ADCY2: variants seen among roughly 807,000 people sequenced by gnomAD.
ADCY2 encodes adenylate cyclase type 2.
A neutral mutation model predicts 125.2 loss-of-function variants in ADCY2; 31 were observed. The ratio of observed to expected loss-of-function variants is 0.25; its 90% CI spans 0.19 to 0.33. The LOEUF (loss-of-function observed/expected upper bound fraction) is 0.33. ADCY2 is among the 10% of genes least tolerant of loss of function. The pLI is 1.00. For missense variants in ADCY2, 904 were observed against 1,418.2 expected (o/e 0.64, Z 5.82); for synonymous variants, 512 against 548.4 (o/e 0.93, Z 0.93).
intron 20 of ADCY2, chr5:7,801,600 GT>G (rs1400646105): frequency 6.6e-6 from 1 of 152,192 alleles, no homozygotes; most frequent in African/African-American, 2.4e-5. Flanking sequence ...TTGAAATTGT[GT>G]TTACAAGACA....
At chr5:7,661,819 A>C (rs978714016) in intron 4 of ADCY2, among the ~76,000 whole-genome samples, 7 of 152,216 alleles carry the variant, frequency 4.6e-5, no homozygotes, top group African/African-American at 1.7e-4. Flanking sequence ...TTTTAACTGA[A>C]TTTAAACATT....
At chr5:7,649,734 C>G (rs913528343) in intron 4 of ADCY2, among the ~76,000 whole-genome samples, 2 of 152,206 alleles carry the variant, frequency 1.3e-5, no homozygotes, top group Non-Finnish European at 2.9e-5. Flanking sequence ...AATCCAGACT[C>G]AAAGTCCAAC....
intron 2 of ADCY2, among the ~76,000 whole-genome samples, chr5:7,454,307 C>G (rs1013885035): frequency 1.3e-5 from 2 of 152,118 alleles, no homozygotes; most frequent in African/African-American, 4.8e-5. Context: ...GCTATTTAGG[C>G]TATAGTATAG....
chr5:7,554,263 G>A (rs1444210899), intron 3 of ADCY2, among the ~76,000 whole-genome samples: 12 of 152,090 alleles, frequency 7.9e-5, no homozygotes, highest in Admixed American at 7.9e-4. Context: ...TAAATAAAGG[G>A]ATTTGTCTTG....
At chr5:7,615,940 G>A (rs1000725070) in intron 3 of ADCY2, among the ~76,000 whole-genome samples, 2 of 152,118 alleles carry the variant, frequency 1.3e-5, no homozygotes, top group African/African-American at 2.4e-5. Flanking sequence ...ATCATCATTA[G>A]TATTTCACCA....
Position 7,702,225 on chromosome 5 carries a change from C to CTT in ADCY2, c.1109+3869_1109+3870dup, listed in dbSNP as rs67174135. 2.3e-3 allele frequency among the ~76,000 whole-genome samples: 300 copies of CTT among 131,124 alleles called. 3 individuals carry two copies. In the Middle Eastern group the frequency reaches 0.029, roughly 13 times the overall value. The allele number at this position is 131,124 out of a possible 152,430, so 86.0% of individuals were successfully genotyped here. A position where few individuals can be genotyped will look rare whatever the true frequency, so the allele number is the denominator to read the frequency against. On this transcript the variant is annotated intron_variant, in intron 7 of 24. Transcript: ENST00000338316. ...TGGCCAGCATAGTGAAACCCTGTTT[C>CTT]TTTTTTTTTTTTTTTTTTTAAACTT...
At chr5:7,407,144 C>T (rs573494280) in intron 1 of ADCY2, among the ~76,000 whole-genome samples, 178 of 152,296 alleles carry the variant, frequency 1.2e-3, no homozygotes, top group African/African-American at 4.1e-3. Context: ...CCATTGTCAA[C>T]GTTCAGACCA....
At chr5:7,634,954 A>T (rs2126667518) in intron 4 of ADCY2, among the ~76,000 whole-genome samples, 1 of 152,280 alleles carries the variant, frequency 6.6e-6, no homozygotes, top group Non-Finnish European at 1.5e-5. Flanking sequence ...TGTGATATCT[A>T]GGTTGAAATA....
chr5:7,513,106 C>CACACACACACAGAG (rs777343291), intron 2 of ADCY2, among the ~76,000 whole-genome samples: 39 of 138,540 alleles, frequency 2.8e-4, no homozygotes, highest in South Asian at 1.3e-3. Flanking sequence ...CACACACACA[C>CACACACACACAGAG]AGAGAGAGAG....
intron 4 of ADCY2, among the ~76,000 whole-genome samples, chr5:7,672,098 A>G (rs1376362962): frequency 6.6e-6 from 1 of 152,210 alleles, no homozygotes; most frequent in Non-Finnish European, 1.5e-5. Flanking sequence ...TCAGGACACA[A>G]GGAGGTGGTG....
chr5:7,722,097 C>T (rs1196377491), intron 12 of ADCY2, among the ~76,000 whole-genome samples: 1 of 152,148 alleles, frequency 6.6e-6, no homozygotes, highest in African/African-American at 2.4e-5. Flanking sequence ...ACAAGCCAGA[C>T]CCGGTGTGCT....
chr5:7,692,751 C>A (rs1225334754), intron 5 of ADCY2, among the ~76,000 whole-genome samples: 2 of 152,124 alleles, frequency 1.3e-5, no homozygotes, highest in Non-Finnish European at 2.9e-5. Flanking sequence ...CATTGCATTC[C>A]CTCAGTTTTC....
At chr5:7,636,533 A>G (rs1364041576) in intron 4 of ADCY2, among the ~76,000 whole-genome samples, 1 of 152,190 alleles carries the variant, frequency 6.6e-6, no homozygotes, top group Non-Finnish European at 1.5e-5. Context: ...AGATGTCTTG[A>G]TTGACCACCT....
chr5:7,662,979 G>T (rs1318078531), intron 4 of ADCY2, among the ~76,000 whole-genome samples: 2 of 137,190 alleles, frequency 1.5e-5, no homozygotes, highest in Non-Finnish European at 3.2e-5. Flanking sequence ...CTTTATGTCT[G>T]CAGTGAAATT....
At chr5:7,777,527 T>C (rs1743770453) in intron 18 of ADCY2, among the ~76,000 whole-genome samples, 1 of 152,234 alleles carries the variant, frequency 6.6e-6, no homozygotes, top group Non-Finnish European at 1.5e-5. Context: ...AGGATGTGTC[T>C]TTTAGTATCC....
chr5:7,692,702 C>G, intron 5 of ADCY2, among the ~76,000 whole-genome samples: 1 of 152,148 alleles, frequency 6.6e-6, no homozygotes, highest in Non-Finnish European at 1.5e-5. Flanking sequence ...TGGCCTTGTC[C>G]TCCCACTTAA....
At position 7,817,043 on chromosome 5, in the gene ADCY2, C is replaced by CAT. The variant is rs2307999; in HGVS notation, c.2998+64_2998+65insTA. On this transcript the variant is annotated intron_variant, in intron 23 of 24. Coordinates refer to ENST00000338316, the MANE Select transcript of ADCY2 (RefSeq NM_020546.3). The stretch of plus-strand genomic sequence containing the variant: ...CAAAGATGTGGAATAAGGAGTAAGT[C>CAT]AGGAGATATTGATGATCCTTTCAGT... 17,481 of 1,249,552 alleles carry CAT rather than the reference C, an allele frequency of 0.014. 1,126 individuals carry two copies. The African/African-American group carries it at 0.17, about 12-fold the overall frequency. The allele number at this position is 1,249,552 out of a possible 1,614,324, so 77.4% of individuals were successfully genotyped here.
chr5:7,480,748 TTAAAA>T (rs1458582534), intron 2 of ADCY2, among the ~76,000 whole-genome samples: 2 of 152,188 alleles, frequency 1.3e-5, no homozygotes, highest in East Asian at 1.9e-4. Flanking sequence ...ACCCCTGAAC[TTAAAA>T]TAAAAGTTGA....
chr5:7,655,744 A>G (rs1471179225), intron 4 of ADCY2, among the ~76,000 whole-genome samples: 1 of 152,242 alleles, frequency 6.6e-6, no homozygotes, highest in Non-Finnish European at 1.5e-5. Flanking sequence ...ACGTGGCCCA[A>G]TTAACAGAAC....
Sources: gnomAD v4.1 joint callset for allele counts (sites outside exome capture counted in the v4.1 genomes callset) on GRCh38, gnomAD v4.1.1 for gene constraint, MANE v1.5 for transcripts, NCBI Gene and HGNC (gene_info 2026-07-23, HGNC 2026-07-21) for gene names.